Variants in SMG7 observed in about 807,000 individuals in gnomAD.
The protein encoded by SMG7 is nonsense-mediated mRNA decay factor SMG7.
In SMG7, 34 loss-of-function variants were observed where a neutral mutation model predicts 148.2. That is an observed-to-expected ratio of 0.23 (90% CI 0.17 to 0.31). The LOEUF is 0.31. Among genes scored for constraint, SMG7 ranks in the 10% least tolerant of loss-of-function variants. The pLI, the probability that SMG7 is intolerant of heterozygous loss-of-function variation, is 1.00. For synonymous variants in SMG7, 492 were observed against 515.1 expected (o/e 0.96, Z 0.61); for missense variants, 1,114 against 1,408.4 (o/e 0.79, Z 3.35).
At position 183,549,256 on chromosome 1, in the gene SMG7, T is replaced by A. The variant is rs745753740; in HGVS notation, c.2941T>A (p.Phe981Ile). The A allele has an allele frequency of 4.1e-5, 66 of 1,613,788 alleles. 1 individual carries two copies. In the Middle Eastern group the frequency reaches 3.8e-3, roughly 93 times the overall value. ...AGAGCTCATGTCACATTCATCCTCT[T>A]TCCTGTCCCTCACCGGATTCTCTCT... ...PSELMSHSSS[F>I]LSLTGFSLNQ... is the part of the protein sequence containing the mutation. Residue 981 changes from phenylalanine (F) to isoleucine (I), a missense_variant, in exon 19 of 23, where the codon TTC becomes ATC. Phe to Ile is a conservative substitution (Grantham distance 21, BLOSUM62 0). Transcript: ENST00000688051.
intron 1 of SMG7, among the ~76,000 whole-genome samples, chr1:183,506,870 A>G (rs1661024760): frequency 7.2e-6 from 1 of 139,720 alleles, no homozygotes; most frequent in Non-Finnish European, 1.5e-5. Context: ...CTTAGACTAT[A>G]TATTCTTTTT....
rs747354463 is a variant in SMG7, at chr1:183,546,241, T to G, written c.2646T>G (p.Ser882=). The G allele has an allele frequency of 6.2e-7, 1 of 1,614,028 alleles. No individual in the cohort carries two copies. The highest frequency in any genetic ancestry group is 8.5e-7 in the Non-Finnish European group (1 of 1,179,960). ...CCTACAGCATGGCTGATAACAGATC[T>G]GTAATGGCACAGCAAGCAAACATAG... ...DSSYSMADNR[S]VMAQQANIDR... is the part of the protein sequence containing the mutation. The change falls in exon 17 of 23, where the codon TCT becomes TCG. Residue 882 remains serine (S), a synonymous_variant. Transcript: ENST00000688051.
chr1:183,473,830 A>C, intron 1 of SMG7: 2 of 985,402 alleles, frequency 2.0e-6, no homozygotes, highest in Non-Finnish European at 2.4e-6. Flanking sequence ...TGAGTGGAAA[A>C]GTCACTTTAG....
chr1:183,536,007 A>G (rs1667708928), intron 10 of SMG7, among the ~76,000 whole-genome samples: 1 of 152,074 alleles, frequency 6.6e-6, no homozygotes, highest in African/African-American at 2.4e-5. Context: ...GCATATTCCC[A>G]TATTTCAGAG....
rs567748850 is a variant in SMG7, at chr1:183,546,262, C to T, written c.2667C>T (p.Asn889=). Residue 889 remains asparagine, a synonymous_variant, in exon 17 of 23, where the codon AAC becomes AAT. Coordinates refer to ENST00000688051, the MANE Select transcript of SMG7 (RefSeq NM_001375584.1). ...DNRSVMAQQA[N]IDRRGKRSPG... The stretch of plus-strand genomic sequence containing the variant: ...GATCTGTAATGGCACAGCAAGCAAA[C>T]ATAGACCGCAGGGGCAAACGGTCAC... 4.3e-6 allele frequency: 7 copies of T among 1,614,024 alleles called. No homozygotes were observed. Among genetic ancestry groups the T allele is most frequent in the Non-Finnish European group, 5.9e-6 (7 of 1,179,942 alleles).
chr1:183,505,937 A>G (rs1466847896), intron 1 of SMG7, among the ~76,000 whole-genome samples: 1 of 152,210 alleles, frequency 6.6e-6, no homozygotes, highest in East Asian at 1.9e-4. Flanking sequence ...TAACAATGCT[A>G]TGCTCTTGCT....
chr1:183,548,947 G>A (rs1456791035), intron 18 of SMG7: 2 of 488,672 alleles, frequency 4.1e-6, no homozygotes, highest in South Asian at 2.6e-5. Flanking sequence ...TCAGAGTGCT[G>A]TTTACCAGGG....
intron 1 of SMG7, among the ~76,000 whole-genome samples, chr1:183,511,121 G>A (rs2102409856): frequency 6.6e-6 from 1 of 151,610 alleles, no homozygotes; most frequent in East Asian, 1.9e-4. Flanking sequence ...ACATAGCAAG[G>A]CCCAGTCTCT....
chr1:183,506,465 G>T (rs990806176), intron 1 of SMG7, among the ~76,000 whole-genome samples: 4 of 151,930 alleles, frequency 2.6e-5, no homozygotes, highest in African/African-American at 9.7e-5. Flanking sequence ...TGTGTGTGTG[G>T]GTGTATACGC....
At chr1:183,538,778 T>A (rs115361446) in intron 12 of SMG7, among the ~76,000 whole-genome samples, 2 of 152,150 alleles carry the variant, frequency 1.3e-5, no homozygotes, top group African/African-American at 4.8e-5. Flanking sequence ...TAATTATCTT[T>A]AGCCTAGTAA....
rs575413424 is a variant in SMG7, at chr1:183,545,586, T to C, written c.2370+274T>C. Among the ~76,000 whole-genome samples, 20 of 152,244 alleles carry C rather than the reference T, an allele frequency of 1.3e-4. 1 individual carries two copies. The South Asian group carries it at 4.1e-3, about 32-fold the overall frequency. ...GGATTTTCTGCAAATAATTCTCCTATAGGAACATAAACTACTAGGGAAATA... is the reference window on the plus strand; with the variant it reads ...GGATTTTCTGCAAATAATTCTCCTACAGGAACATAAACTACTAGGGAAATA... On this transcript the variant is annotated intron_variant, in intron 16 of 22. Transcript: ENST00000688051.
chr1:183,505,941 T>C (rs1214826643), intron 1 of SMG7, among the ~76,000 whole-genome samples: 1 of 152,232 alleles, frequency 6.6e-6, no homozygotes, highest in Non-Finnish European at 1.5e-5. Flanking sequence ...AATGCTATGC[T>C]CTTGCTTTAA....
chr1:183,509,923 A>C (rs1228892651), intron 1 of SMG7, among the ~76,000 whole-genome samples: 1 of 152,194 alleles, frequency 6.6e-6, no homozygotes, highest in Non-Finnish European at 1.5e-5. Context: ...ACTATAGTTC[A>C]TCACCTGACA....
Position 183,514,314 on chromosome 1 carries a change from T to C in SMG7, c.61+1446T>C, listed in dbSNP as rs1488579175. ...TCTTTTTGTCAGCTCTAGAGTCACT[T>C]AGGCTAATGTCCTAAGAGTTCATGG... is the stretch of plus-strand genomic sequence containing the variant. On this transcript the variant is annotated intron_variant, in intron 2 of 22. Transcript: ENST00000688051. Among the ~76,000 whole-genome samples the C allele has an allele frequency of 2.6e-5, 4 of 152,148 alleles. No homozygotes were observed. The South Asian group carries it at 6.2e-4, about 24-fold the overall frequency.
At chr1:183,514,333 T>G (rs1662975575) in intron 2 of SMG7, among the ~76,000 whole-genome samples, 1 of 152,090 alleles carries the variant, frequency 6.6e-6, no homozygotes, top group Non-Finnish European at 1.5e-5. Flanking sequence ...GTCCTAAGAG[T>G]TCATGGATAA....
At chr1:183,535,062 TAACTC>T (rs1259008249) in intron 10 of SMG7, among the ~76,000 whole-genome samples, 2 of 152,202 alleles carry the variant, frequency 1.3e-5, no homozygotes, top group Non-Finnish European at 2.9e-5. Context: ...TTTTATTTCT[TAACTC>T]AGGCTATACA....
intron 4 of SMG7, among the ~76,000 whole-genome samples, chr1:183,522,811 C>T (rs746433621): frequency 6.6e-6 from 1 of 151,410 alleles, no homozygotes; most frequent in Admixed American, 6.6e-5. Context: ...GGCGCTCACT[C>T]TATCATTTTG....
At chr1:183,536,546 A>C (rs1667828771) in intron 10 of SMG7, among the ~76,000 whole-genome samples, 1 of 152,174 alleles carries the variant, frequency 6.6e-6, no homozygotes, top group Admixed American at 6.5e-5. Flanking sequence ...AAATACATAT[A>C]TAGTACGTAC....
In SMG7 at chr1:183,540,968, C is replaced by T; in HGVS notation, c.1296-16C>T. ...AGCAATTTAATATTCTCATAACTTG[C>T]TTGTGTCAATTTTAGGAACTTGGAT... On this transcript the variant is annotated splice_polypyrimidine_tract_variant and intron_variant, in intron 12 of 22. Transcript: ENST00000688051. 6.2e-7 allele frequency: 1 copy of T among 1,610,440 alleles called. No homozygotes were observed. The highest frequency in any genetic ancestry group is 8.5e-7 in the Non-Finnish European group (1 of 1,177,740).
Sources: allele counts gnomAD v4.1 joint callset (sites outside exome capture counted in the v4.1 genomes callset), GRCh38; gene constraint gnomAD v4.1.1; transcripts MANE v1.5; gene names NCBI Gene and HGNC (gene_info 2026-07-23, HGNC 2026-07-21).